DOCK1: variants seen among roughly 807,000 people sequenced by gnomAD.
DOCK1 encodes the protein dedicator of cytokinesis 1, also known as dedicator of cytokinesis protein 1.
In DOCK1, 138 loss-of-function variants were observed where a neutral mutation model predicts 262.7. The ratio of observed to expected loss-of-function variants is 0.53; its 90% CI spans 0.46 to 0.61. The LOEUF (loss-of-function observed/expected upper bound fraction) is 0.61, where lower values mean the gene tolerates loss of function less well. Ranked by LOEUF, DOCK1 falls within the 20% of genes least tolerant of loss-of-function variation. The probability of loss-of-function intolerance (pLI) is 0.00; values close to 1 mark genes in which losing one functional copy is unlikely to be tolerated. For synonymous variants in DOCK1, 866 were observed against 867.4 expected, an observed-to-expected ratio of 1.00 and a Z score of 0.03; for missense variants, 1,908 against 2,370.7, an observed-to-expected ratio of 0.80 and a Z score of 4.05.
chr10:127,023,089 C>A, intron 13 of DOCK1, 111 bp from the exon 14 acceptor site: 2 of 1,212,580 alleles, frequency 1.6e-6, no homozygotes, highest in Non-Finnish European at 2.3e-6. Flanking sequence ...TCATAATCAT[C>A]TAATATGTAT....
At chr10:127,081,751 C>T (rs979621052) in intron 23 of DOCK1, among the ~76,000 whole-genome samples, 5 of 152,082 alleles carry the variant, frequency 3.3e-5, no homozygotes, top group African/African-American at 9.7e-5. Context: ...CAAATAGAAT[C>T]GTGGCCCTTA....
rs1050391596 is a variant in DOCK1, at chr10:127,046,749, C to G, written c.2201+3585C>G. On this transcript the variant is annotated intron_variant, in intron 21 of 51. Coordinates refer to ENST00000623213, the MANE Select transcript of DOCK1 (RefSeq NM_001290223.2). ...GCACTCCAGCCTGGGCAGAGCGACACTACGTCTCAAAAAAAAAAAAAAAAA... is the reference window on the plus strand; with the variant it reads ...GCACTCCAGCCTGGGCAGAGCGACAGTACGTCTCAAAAAAAAAAAAAAAAA... Among the ~76,000 whole-genome samples the G allele has an allele frequency of 7.3e-5, 8 of 109,502 alleles. No homozygotes were observed. In the East Asian group the frequency reaches 1.8e-3, roughly 25 times the overall value. 71.8% of individuals were successfully genotyped at this position (109,502 alleles called of 152,430 possible).
At chr10:126,920,603 A>C (rs1369915094) in intron 1 of DOCK1, among the ~76,000 whole-genome samples, 1 of 152,248 alleles carries the variant, frequency 6.6e-6, no homozygotes, top group Non-Finnish European at 1.5e-5. Flanking sequence ...AGCATTAAAC[A>C]GCTAAAAGGA....
At chr10:127,034,306 A>AAGAG (rs148841364) in intron 18 of DOCK1, among the ~76,000 whole-genome samples, 1 of 151,604 alleles carries the variant, frequency 6.6e-6, no homozygotes, top group South Asian at 2.1e-4. Context: ...GAGAGAGAGA[A>AAGAG]AGAGAGAGAG....
intron 1 of DOCK1, among the ~76,000 whole-genome samples, chr10:126,963,467 A>T (rs2037380487): frequency 6.6e-6 from 1 of 152,188 alleles, no homozygotes; most frequent in East Asian, 1.9e-4. Flanking sequence ...TTAAAAAAAT[A>T]TTAGAGACAA....
rs563633397 is a variant in DOCK1 at position 127,156,785 on chromosome 10, C to T, written c.2847+29021C>T. 1.3e-4 allele frequency among the ~76,000 whole-genome samples: 20 copies of T among 152,152 alleles called. No homozygotes were observed. The South Asian group carries it at 3.9e-3, about 30-fold the overall frequency. On this transcript the variant is annotated intron_variant, in intron 27 of 51. Coordinates refer to ENST00000623213, the MANE Select transcript of DOCK1 (RefSeq NM_001290223.2). Reference sequence around the variant, plus strand: ...GTTTCTCTATGTTGGTCAGGCTGGTCTTGAACTCCCAACCTCAAGTGATCT... The same window carrying T: ...GTTTCTCTATGTTGGTCAGGCTGGTTTTGAACTCCCAACCTCAAGTGATCT...
chr10:127,012,142 C>T lies in DOCK1; in HGVS notation c.1059-90C>T, dbSNP rs538559574. On this transcript the variant is annotated intron_variant, in intron 11 of 51. Coordinates refer to ENST00000623213, the MANE Select transcript of DOCK1 (RefSeq NM_001290223.2). This position sits in a 1 kb window ranked among gnomAD's most constrained non-coding sequence, Gnocchi z 4.0. Reference sequence around the variant, plus strand: ...GATGCCTCCCTCTCGCACTCGGTGACGATGATCTCTTATGTTCCCTTGTTA... The same window carrying T: ...GATGCCTCCCTCTCGCACTCGGTGATGATGATCTCTTATGTTCCCTTGTTA... The T allele has an allele frequency of 2.9e-4, 205 of 701,486 alleles. No individual in the cohort carries two copies. The highest frequency in any genetic ancestry group is 2.5e-3 in the African/African-American group (141 of 56,756). 43.5% of individuals were successfully genotyped at this position (701,486 alleles called of 1,614,324 possible).
intron 27 of DOCK1, among the ~76,000 whole-genome samples, chr10:127,156,244 T>C (rs764614595): frequency 1.4e-4 from 21 of 152,186 alleles, no homozygotes; most frequent in Non-Finnish European, 2.6e-4. Context: ...CTTCTAATTA[T>C]GCTAGCCCCA....
intron 23 of DOCK1, among the ~76,000 whole-genome samples, chr10:127,099,083 T>C (rs969534405): frequency 6.6e-6 from 1 of 152,218 alleles, no homozygotes; most frequent in Non-Finnish European, 1.5e-5. Context: ...CTTTGCATCT[T>C]GTCCTTGTCT....
At chr10:127,257,581 C>G in intron 29 of DOCK1, 152 bp downstream of exon 29, 1 of 582,186 alleles carries the variant, frequency 1.7e-6, no homozygotes, top group South Asian at 3.1e-5. Flanking sequence ...TCTAGGGAGA[C>G]AGGGACTCTG....
At chr10:127,305,121 T>A (rs1428195193) in intron 29 of DOCK1, among the ~76,000 whole-genome samples, 1 of 141,964 alleles carries the variant, frequency 7.0e-6, no homozygotes, top group Admixed American at 8.1e-5. Context: ...TTTTGCATAT[T>A]TTTTTTAGCT....
rs1457165613 is a variant in DOCK1, at chr10:127,267,103, A to G, written c.3044+9674A>G. ...AGGACCCCACTGGGGCTACATTGCT[A>G]TGTCTATCATTTTAGTTTTATCTCC... On this transcript the variant is annotated intron_variant, in intron 29 of 51. Coordinates refer to ENST00000623213, the MANE Select transcript of DOCK1 (RefSeq NM_001290223.2). Among the ~76,000 whole-genome samples the G allele has an allele frequency of 3.9e-5, 6 of 152,146 alleles. 1 individual carries two copies. In the South Asian group the frequency reaches 8.3e-4, roughly 21 times the overall value.
intron 27 of DOCK1, among the ~76,000 whole-genome samples, chr10:127,224,266 A>T (rs2134469482): frequency 6.6e-6 from 1 of 152,292 alleles, no homozygotes; most frequent in East Asian, 1.9e-4. Flanking sequence ...ACTATTTAGA[A>T]ATATTAATGT....
chr10:127,261,867 TGC>T (rs2060152541), intron 29 of DOCK1, among the ~76,000 whole-genome samples: 2 of 141,654 alleles, frequency 1.4e-5, no homozygotes, highest in African/African-American at 2.7e-5. Context: ...CATGTGGGTG[TGC>T]GTGTGTGTAC....
chr10:127,343,468 G>T (rs767745098), intron 30 of DOCK1, among the ~76,000 whole-genome samples, 178 bp from the exon 31 acceptor site: 1 of 152,116 alleles, frequency 6.6e-6, no homozygotes. Context: ...GAGCCCACAC[G>T]CTAAGGCCTG....
At chr10:127,150,834 A>G (rs1298015032) in intron 27 of DOCK1, among the ~76,000 whole-genome samples, 1 of 152,172 alleles carries the variant, frequency 6.6e-6, no homozygotes, top group Non-Finnish European at 1.5e-5. Flanking sequence ...CTGCCACAGG[A>G]CTTTGCTCCA....
In DOCK1 at chr10:127,012,224, C is replaced by A. The variant is rs772135060; in HGVS notation, c.1059-8C>A. 2.7e-6 allele frequency: 4 copies of A among 1,506,990 alleles called. No individual in the cohort carries two copies. Among genetic ancestry groups the A allele is most frequent in the Admixed American group, 3.4e-5 (2 of 59,690 alleles). The allele number at this position is 1,506,990 out of a possible 1,614,324, so 93.4% of individuals were successfully genotyped here. A position where few individuals can be genotyped will look rare whatever the true frequency, so the allele number is the denominator to read the frequency against. On this transcript the variant is annotated splice_polypyrimidine_tract_variant and splice_region_variant and intron_variant, in intron 11 of 51. Coordinates refer to ENST00000623213, the MANE Select transcript of DOCK1 (RefSeq NM_001290223.2). This position sits in a 1 kb window ranked among gnomAD's most constrained non-coding sequence, Gnocchi z 4.0. The stretch of plus-strand genomic sequence containing the variant: ...CTCCTGTGGTCTTGGTCGTCCCGTG[C>A]CCTCCAGGCTCGCGTTGGACGACGC...
chr10:127,140,324 G>T (rs1014951560), intron 27 of DOCK1, among the ~76,000 whole-genome samples: 2 of 152,124 alleles, frequency 1.3e-5, no homozygotes, highest in African/African-American at 4.8e-5. Context: ...ATTCCTGTTT[G>T]CACTCCCCAT....
intron 29 of DOCK1, among the ~76,000 whole-genome samples, chr10:127,325,139 ACGAAGCT>A (rs140256461): frequency 0.021 from 3,196 of 152,310 alleles, 98 homozygotes; most frequent in African/African-American, 0.073. Flanking sequence ...TTAAGAAAAC[ACGAAGCT>A]CACAACAGAA....
Sources: gnomAD v4.1 joint callset for allele counts (sites outside exome capture counted in the v4.1 genomes callset) on GRCh38, gnomAD v4.1.1 for gene constraint, Gnocchi (gnomAD v3.1) non-coding constraint, MANE v1.5 for transcripts, NCBI Gene and HGNC (gene_info 2026-07-23, HGNC 2026-07-21) for gene names.